Variants in RASGRP4 observed in about 807,000 individuals in gnomAD.
RASGRP4 encodes RAS guanyl releasing protein 4.
RASGRP4 carries 52 observed loss-of-function variants against 84.4 expected under a neutral mutation model. That is an observed-to-expected ratio of 0.62 (90% CI 0.49 to 0.78). RASGRP4 has a LOEUF of 0.78. Among genes scored for constraint, RASGRP4 ranks in the 30% least tolerant of loss-of-function variants. RASGRP4 has a pLI of 0.00. For missense variants in RASGRP4, 760 were observed against 886.9 expected (o/e 0.86, Z 1.82); for synonymous variants, 356 against 359.1 (o/e 0.99, Z 0.10).
rs1401459611 is a variant in RASGRP4, at chr19:38,418,347, G to A, written c.837+44C>T. ...GGGTCTGGAAGGGGAAGGACCAGGT[G>A]GCTGCGTGCAGTGGAGTTCGCAGCC... On this transcript the variant is annotated intron_variant, in intron 7 of 16. Transcript: ENST00000615439. The surrounding 1 kb of genome is among the most constrained non-coding windows in gnomAD (Gnocchi z 4.6). 6.4e-7 allele frequency: 1 copy of A among 1,566,984 alleles called. No individual in the cohort carries two copies. The highest frequency in any genetic ancestry group is 8.7e-7 in the Non-Finnish European group (1 of 1,154,268).
chr19:38,421,983 C>T lies in RASGRP4; in HGVS notation c.194G>A (p.Cys65Tyr). ...AGGACACTTACCGAAGGACTGGATG[C>T]ATTTCTCCAGCAGCTCATCTTCGCT... ...GCSEDELLEKCIQSFDSAGSL... is the reference protein window; with the variant it reads ...GCSEDELLEKYIQSFDSAGSL... Residue 65 changes from cysteine to tyrosine, a missense_variant, in exon 2 of 17, where the codon TGC (cysteine) becomes TAC (tyrosine). Transcript: ENST00000615439. 6.2e-7 allele frequency: 1 copy of T among 1,611,790 alleles called. No individual in the cohort carries two copies.
chr19:38,421,291 G>T, intron 2 of RASGRP4, 91 bp from the exon 3 acceptor site: 2 of 922,720 alleles, frequency 2.2e-6, no homozygotes, highest in South Asian at 1.4e-5. Context: ...CTGGTTCAAA[G>T]ACCAGCTCTA....
At chr19:38,410,842 G>T in intron 16 of RASGRP4, 44 bp downstream of exon 16, 1 of 1,370,216 alleles carries the variant, frequency 7.3e-7, no homozygotes, top group Non-Finnish European at 1.0e-6. Context: ...CCAATGGCCT[G>T]TGTCCCCTGT....
intron 6 of RASGRP4, 69 bp downstream of exon 6, chr19:38,419,790 TC>T: frequency 1.4e-6 from 2 of 1,452,212 alleles, no homozygotes; most frequent in South Asian, 1.3e-5. Context: ...AGTCCTACCT[TC>T]CCCCAGCCAA....
chr19:38,411,422 G>C (rs755094922), intron 13 of RASGRP4, 41 bp from the exon 14 acceptor site: 5 of 1,495,998 alleles, frequency 3.3e-6, no homozygotes, highest in Non-Finnish European at 4.5e-6. Flanking sequence ...TCCTAGGAGA[G>C]GGAGGGCTGT....
rs998312410 is a variant in RASGRP4, at chr19:38,411,367, G to C, written c.1695C>G (p.Thr565=). Residue 565 remains threonine (T), a synonymous_variant, in exon 14 of 17, where the codon ACC becomes ACG. Coordinates refer to ENST00000615439, the MANE Select transcript of RASGRP4 (RefSeq NM_170604.3). ...DSCSGFLWGV[T]KQGYRCRECG... ...CACCCCGACAGCGGTAGCCTTGCTTGGTGACACCCCAGAGCTGGGAAGAGA... is the reference window on the plus strand; with the variant it reads ...CACCCCGACAGCGGTAGCCTTGCTTCGTGACACCCCAGAGCTGGGAAGAGA... The C allele has an allele frequency of 1.9e-6, 3 of 1,589,066 alleles. No individual in the cohort carries two copies. Among genetic ancestry groups the C allele is most frequent in the Non-Finnish European group, 2.6e-6 (3 of 1,166,964 alleles).
At position 38,413,375 on chromosome 19, in the gene RASGRP4, G is replaced by T. The variant is rs765704786; in HGVS notation, c.1311+19C>A. ...TTCGAGGTAATTGGGGGAGTCCGAG[G>T]CCAGGGGTTGGGTCTCACCAGGCTC... On this transcript the variant is annotated intron_variant, in intron 10 of 16. Coordinates refer to ENST00000615439, the MANE Select transcript of RASGRP4 (RefSeq NM_170604.3). The surrounding 1 kb of genome is among the most constrained non-coding windows in gnomAD (Gnocchi z 4.7). 4 of 1,608,162 alleles carry T rather than the reference G, an allele frequency of 2.5e-6. No homozygotes were observed. In the East Asian group the frequency reaches 9.0e-5, roughly 36 times the overall value.
At position 38,415,088 on chromosome 19, in the gene RASGRP4, G is replaced by C; in HGVS notation, c.990C>G (p.His330Gln). 1 of 1,600,628 alleles carries C rather than the reference G, an allele frequency of 6.2e-7. No individual in the cohort carries two copies. Among genetic ancestry groups the C allele is most frequent in the Non-Finnish European group, 8.5e-7 (1 of 1,173,656 alleles). ...LLELTELLASHNNYARYRRTW... is the reference protein window; with the variant it reads ...LLELTELLASQNNYARYRRTW... ...TGCGGCGGTAGCGGGCGTAGTTGTT[G>C]TGGGAGGCAAGGAGCTCAGTGAGCT... The change falls in exon 9 of 17, where the codon CAC becomes CAG. Residue 330 changes from histidine to glutamine, a missense_variant. His to Gln is a conservative substitution (Grantham distance 24). Transcript: ENST00000615439.
rs1330315074 is a variant in RASGRP4 at position 38,418,648 on chromosome 19, G to C, written c.664-84C>G. ...CATCCAACTAGCAGTCACGATCTCT[G>C]ATGTCCTAGCCTGGTCTAGCCGGAG... On this transcript the variant is annotated intron_variant, in intron 6 of 16. Coordinates refer to ENST00000615439, the MANE Select transcript of RASGRP4 (RefSeq NM_170604.3). This position sits in a 1 kb window ranked among gnomAD's most constrained non-coding sequence, Gnocchi z 4.6. The C allele has an allele frequency of 1.5e-6, 2 of 1,314,136 alleles. No homozygotes were observed. Among genetic ancestry groups the C allele is most frequent in the Non-Finnish European group, 2.0e-6 (2 of 985,898 alleles). 81.4% of individuals were successfully genotyped at this position (1,314,136 alleles called of 1,614,324 possible).
chr19:38,422,832 G>A (rs569770722), intron 1 of RASGRP4, among the ~76,000 whole-genome samples: 1 of 152,016 alleles, frequency 6.6e-6, no homozygotes, highest in South Asian at 2.1e-4. Context: ...TAATTAACTT[G>A]AATCATCCCC....
At chr19:38,422,426 G>C (rs900437026) in intron 1 of RASGRP4, among the ~76,000 whole-genome samples, 2 of 152,222 alleles carry the variant, frequency 1.3e-5, no homozygotes, top group Middle Eastern at 3.4e-3. Context: ...CAAGACCAGG[G>C]GTCCCCAGCC....
At position 38,418,712 on chromosome 19, in the gene RASGRP4, C is replaced by A. The variant is rs906965097; in HGVS notation, c.664-148G>T. The A allele has an allele frequency of 6.7e-6, 5 of 747,626 alleles. No homozygotes were observed. In the African/African-American group the frequency reaches 9.0e-5, roughly 14 times the overall value. The allele number at this position is 747,626 out of a possible 1,614,324, so 46.3% of individuals were successfully genotyped here. On this transcript the variant is annotated intron_variant, in intron 6 of 16. Coordinates refer to ENST00000615439, the MANE Select transcript of RASGRP4 (RefSeq NM_170604.3). The surrounding 1 kb of genome is among the most constrained non-coding windows in gnomAD (Gnocchi z 4.6). Reference sequence around the variant, plus strand: ...CTGTCCCCCAACCCTCAGGCTGCTACATGTCCTTAACGTCACCATGCTCCT... The same window carrying A: ...CTGTCCCCCAACCCTCAGGCTGCTAAATGTCCTTAACGTCACCATGCTCCT...
chr19:38,423,826 G>A (rs1971867910), intron 1 of RASGRP4, among the ~76,000 whole-genome samples: 1 of 151,978 alleles, frequency 6.6e-6, no homozygotes, highest in Non-Finnish European at 1.5e-5. Context: ...AACAGAGCGA[G>A]TCTTAGTCTC....
chr19:38,410,973 C>A lies in RASGRP4; in HGVS notation c.1878G>T (p.Thr626=). The A allele has an allele frequency of 3.1e-6, 5 of 1,601,684 alleles. No individual in the cohort carries two copies. Among genetic ancestry groups the A allele is most frequent in the Non-Finnish European group, 4.3e-6 (5 of 1,174,238 alleles). ...ACCCAGTCTCAGGCTCCAGGGATAG[C>A]GTGTAGGAGTGATTTTCCTCGGAGC... ...SCGSEENHSY[T]LSLEPETGCQ... Residue 626 remains threonine (T), a synonymous_variant, in exon 16 of 17, where the codon ACG becomes ACT. Coordinates refer to ENST00000615439, the MANE Select transcript of RASGRP4 (RefSeq NM_170604.3).
intron 3 of RASGRP4, 25 bp downstream of exon 3, chr19:38,421,070 C>T (rs1193094689): frequency 6.2e-7 from 1 of 1,609,834 alleles, no homozygotes; most frequent in South Asian, 1.1e-5. Context: ...GCCCTCCACC[C>T]ATAGCTCACA....
rs552740608 is a variant in RASGRP4 at position 38,409,737 on chromosome 19, CA to C, written c.*302del. On this transcript the variant is annotated 3_prime_UTR_variant, in exon 17 of 17. Transcript: ENST00000615439. ...TGGGTGACAGAGCAAGACTCTGTCT[CA>C]AAAAAAAAAAGAAATGGAGATGTAG... 2,670 of 179,000 alleles carry C rather than the reference CA, an allele frequency of 0.015. No homozygotes were observed. The highest frequency in any genetic ancestry group is 0.027 in the Middle Eastern group (14 of 524). The allele number at this position is 179,000 out of a possible 1,614,324, so 11.1% of individuals were successfully genotyped here.
At chr19:38,415,914 CT>C (rs1447764393) in intron 8 of RASGRP4, among the ~76,000 whole-genome samples, 2 of 150,192 alleles carry the variant, frequency 1.3e-5, no homozygotes, top group Non-Finnish European at 3.0e-5. Flanking sequence ...CAAAAATTAA[CT>C]GGGTCTGGTG....
chr19:38,413,582 C>T lies in RASGRP4; in HGVS notation c.1231-108G>A. ...AGCCCCTCCTGGGTTCAAATCCTGGCATTACTGCTGTGGGACAGTGGGCAA... is the reference window on the plus strand; with the variant it reads ...AGCCCCTCCTGGGTTCAAATCCTGGTATTACTGCTGTGGGACAGTGGGCAA... On this transcript the variant is annotated intron_variant, in intron 9 of 16. Transcript: ENST00000615439. The surrounding 1 kb of genome is among the most constrained non-coding windows in gnomAD (Gnocchi z 4.7). 1 of 910,330 alleles carries T rather than the reference C, an allele frequency of 1.1e-6. No individual in the cohort carries two copies. The highest frequency in any genetic ancestry group is 2.6e-5 in the East Asian group (1 of 37,928). 56.4% of individuals were successfully genotyped at this position (910,330 alleles called of 1,614,324 possible). A position where few individuals can be genotyped will look rare whatever the true frequency, so the allele number is the denominator to read the frequency against.
Position 38,412,921 on chromosome 19 carries a change from A to C in RASGRP4, c.1535+10T>G. 1.2e-6 allele frequency: 2 copies of C among 1,613,734 alleles called. No individual in the cohort carries two copies. The highest frequency in any genetic ancestry group is 1.7e-6 in the Non-Finnish European group (2 of 1,179,634). The stretch of plus-strand genomic sequence containing the variant: ...CATCTTCGGAGGATCCAGGAGTCAC[A>C]ACCACTTACCCCTGGCGTGGGGGTG... On this transcript the variant is annotated intron_variant, in intron 12 of 16. Transcript: ENST00000615439. This position sits in a 1 kb window ranked among gnomAD's most constrained non-coding sequence, Gnocchi z 4.6.
Sources: allele counts gnomAD v4.1 joint callset (sites outside exome capture counted in the v4.1 genomes callset), GRCh38; gene constraint gnomAD v4.1.1; non-coding constraint Gnocchi (gnomAD v3.1); transcripts MANE v1.5; gene names NCBI Gene and HGNC (gene_info 2026-07-23, HGNC 2026-07-21).